The following RCSD1 variants were observed in gnomAD, a reference collection of about 807,000 sequenced individuals.
RCSD1 encodes the protein RCSD domain containing 1, also known as capZ-interacting protein.
In RCSD1, 26 loss-of-function variants were observed where a neutral mutation model predicts 42.5. The observed-to-expected ratio is 0.61, with a 90% CI of 0.45 to 0.85. The LOEUF is 0.85. Ranked by LOEUF, RCSD1 falls within the 40% of genes least tolerant of loss-of-function variation. The pLI, the probability that RCSD1 is intolerant of heterozygous loss-of-function variation, is 0.00. For missense variants in RCSD1, 571 were observed against 528.3 expected, an observed-to-expected ratio of 1.08 and a Z score of -0.79; for synonymous variants, 220 against 212.2, an observed-to-expected ratio of 1.04 and a Z score of -0.32.
intron 1 of RCSD1, among the ~76,000 whole-genome samples, chr1:167,658,149 G>A (rs868806157): frequency 1.3e-5 from 2 of 152,216 alleles, no homozygotes; most frequent in Middle Eastern, 3.4e-3. Flanking sequence ...ATGCAGCAGT[G>A]CTTTTCTTTT....
chr1:167,648,179 C>T (rs566269693), intron 1 of RCSD1, among the ~76,000 whole-genome samples: 9 of 152,232 alleles, frequency 5.9e-5, no homozygotes, highest in African/African-American at 9.6e-5. Context: ...AATGTCTTCA[C>T]GACACTCTGT....
chr1:167,686,359 G>T (rs1208439596), intron 3 of RCSD1, among the ~76,000 whole-genome samples: 1 of 152,098 alleles, frequency 6.6e-6, no homozygotes, highest in Non-Finnish European at 1.5e-5. Context: ...CCTGACAATA[G>T]CCATTAGGTG....
chr1:167,695,796 C>T (rs1659486152), intron 5 of RCSD1, among the ~76,000 whole-genome samples: 1 of 152,114 alleles, frequency 6.6e-6, no homozygotes, highest in Admixed American at 6.5e-5. Context: ...GCGAGGATTA[C>T]AGGCGGGCAC....
intron 1 of RCSD1, among the ~76,000 whole-genome samples, chr1:167,669,222 T>C (rs1241835025): frequency 1.3e-5 from 2 of 152,246 alleles, no homozygotes; most frequent in Non-Finnish European, 1.5e-5. Context: ...GACAAATAAT[T>C]ATAGGCAATT....
intron 3 of RCSD1, among the ~76,000 whole-genome samples, chr1:167,688,483 C>T (rs896618152): frequency 6.6e-6 from 1 of 152,104 alleles, no homozygotes; most frequent in Non-Finnish European, 1.5e-5. Context: ...ACATACCCGA[C>T]AGTGAAGACA....
chr1:167,674,988 CAA>C (rs1307426279), intron 1 of RCSD1, among the ~76,000 whole-genome samples: 1 of 151,996 alleles, frequency 6.6e-6, no homozygotes, highest in East Asian at 1.9e-4. Flanking sequence ...GGGTGAATCA[CAA>C]AGTCAGGAGA....
chr1:167,639,705 G>C (rs1048102476), intron 1 of RCSD1, among the ~76,000 whole-genome samples: 2 of 152,188 alleles, frequency 1.3e-5, no homozygotes, highest in African/African-American at 4.8e-5. Flanking sequence ...TGTTGGCCAG[G>C]CTGGTCTTGA....
At chr1:167,641,760 A>G (rs1658011625) in intron 1 of RCSD1, 1 of 152,208 alleles carries the variant, frequency 6.6e-6, no homozygotes. Flanking sequence ...CTCAAGATTC[A>G]TACAGTCTGA....
rs79953601 is a variant in RCSD1 at position 167,641,125 on chromosome 1, A to G, written c.6+10696A>G. On this transcript the variant is annotated intron_variant, in intron 1 of 6. Transcript: ENST00000367854. ...TACCCCTAGTGCCTGGGTCTCAGCT[A>G]TAATTCTCTGTTCAGAGAGCTGCAG... Among the ~76,000 whole-genome samples the G allele has an allele frequency of 9.8e-3, 1,493 of 152,278 alleles. 22 individuals carry two copies. Among genetic ancestry groups the G allele is most frequent in the African/African-American group, 0.034 (1,401 of 41,554 alleles).
chr1:167,642,331 T>C (rs60763158), intron 1 of RCSD1, among the ~76,000 whole-genome samples: 54,928 of 151,828 alleles, frequency 0.36, 10,132 homozygotes, highest in East Asian at 0.63. Flanking sequence ...AAAGTGTTTA[T>C]CTGCACCACT....
chr1:167,704,203 T>A lies in RCSD1; in HGVS notation c.1219-461T>A, dbSNP rs550588281. On this transcript the variant is annotated intron_variant, in intron 6 of 6. Transcript: ENST00000367854. Reference sequence around the variant, plus strand: ...TATTTTCAACTCTTTCTGTCCTTTTTCCATTTATATGCTGCCTAAGAATCT... The same window carrying A: ...TATTTTCAACTCTTTCTGTCCTTTTACCATTTATATGCTGCCTAAGAATCT... Among the ~76,000 whole-genome samples, 31 of 152,324 alleles carry A rather than the reference T, an allele frequency of 2.0e-4. No individual in the cohort carries two copies. The East Asian group carries it at 5.4e-3, about 27-fold the overall frequency.
intron 1 of RCSD1, among the ~76,000 whole-genome samples, chr1:167,645,687 T>C (rs1381368777): frequency 6.6e-6 from 1 of 152,056 alleles, no homozygotes; most frequent in African/African-American, 2.4e-5. Flanking sequence ...AAATGAAGGA[T>C]GCCCACGGGG....
At chr1:167,647,425 C>CAA (rs35279177) in intron 1 of RCSD1, among the ~76,000 whole-genome samples, 344 of 128,368 alleles carry the variant, frequency 2.7e-3, no homozygotes, top group Non-Finnish European at 3.7e-3. Context: ...CCCATCGCTA[C>CAA]AAAAAAAAAA....
chr1:167,704,524 T>C (rs1659712729), intron 6 of RCSD1, 140 bp from the exon 7 acceptor site: 3 of 718,060 alleles, frequency 4.2e-6, no homozygotes. Context: ...GTTGGGCACA[T>C]AGCATTCTTA....
At chr1:167,701,165 C>T (rs542199930) in intron 6 of RCSD1, among the ~76,000 whole-genome samples, 71 of 152,320 alleles carry the variant, frequency 4.7e-4, no homozygotes, top group African/African-American at 1.7e-3. Flanking sequence ...AGCTCCACTT[C>T]CATCTCTGAA....
At chr1:167,694,423 C>A in intron 5 of RCSD1, 121 bp downstream of exon 5, 2 of 956,256 alleles carry the variant, frequency 2.1e-6, no homozygotes, top group South Asian at 3.2e-5. Context: ...ACTGTCAGAG[C>A]TGCGTGTTAA....
At chr1:167,694,499 T>C (rs887683251) in intron 5 of RCSD1, among the ~76,000 whole-genome samples, 197 bp downstream of exon 5, 5 of 152,208 alleles carry the variant, frequency 3.3e-5, no homozygotes, top group Non-Finnish European at 7.3e-5. Context: ...TTTCCTCGAC[T>C]GACTGGCTCA....
rs142849193 is a variant in RCSD1, at chr1:167,682,972, G to A, written c.7-928G>A. ...TTATTCAAACCAAGTGGTTATGTAG[G>A]CCTCCTGTAACAAGGCAGAAACGAA... On this transcript the variant is annotated intron_variant, in intron 1 of 6. Transcript: ENST00000367854. Among the ~76,000 whole-genome samples the A allele has an allele frequency of 2.7e-3, 417 of 152,258 alleles. 1 individual carries two copies. Among genetic ancestry groups the A allele is most frequent in the Non-Finnish European group, 5.0e-3 (343 of 68,014 alleles).
intron 2 of RCSD1, 22 bp from the exon 3 acceptor site, chr1:167,685,399 C>A: frequency 6.3e-7 from 1 of 1,596,164 alleles, no homozygotes; most frequent in Non-Finnish European, 8.6e-7. Flanking sequence ...CTCTGTGTGT[C>A]TGTCTGTCGC....
Sources: allele counts gnomAD v4.1 joint callset (sites outside exome capture counted in the v4.1 genomes callset), GRCh38; gene constraint gnomAD v4.1.1; transcripts MANE v1.5; gene names NCBI Gene and HGNC (gene_info 2026-07-23, HGNC 2026-07-21).